The following LRRK2 variants were observed in gnomAD, a reference collection of about 807,000 sequenced individuals.
LRRK2 encodes the protein leucine rich repeat kinase 2.
Under a neutral mutation model 302.6 loss-of-function variants are expected in LRRK2, and 203 were observed. That is an observed-to-expected ratio of 0.67 (90% CI 0.60 to 0.75). The LOEUF (loss-of-function observed/expected upper bound fraction) is 0.75. LRRK2 is among the 30% of genes least tolerant of loss of function. The probability of loss-of-function intolerance (pLI) is 0.00; values close to 1 mark genes in which losing one functional copy is unlikely to be tolerated. For missense variants in LRRK2, 2,830 were observed against 2,951.0 expected, an observed-to-expected ratio of 0.96 and a Z score of 0.95; for synonymous variants, 1,066 against 1,031.9, an observed-to-expected ratio of 1.03 and a Z score of -0.63.
chr12:40,300,408 A>G (rs978624741), intron 25 of LRRK2, among the ~76,000 whole-genome samples: 1 of 152,224 alleles, frequency 6.6e-6, no homozygotes, highest in African/African-American at 2.4e-5. Context: ...ATCTTCCTTC[A>G]TAGAGAATAC....
At chr12:40,311,844 CATATT>C (rs1339226014) in intron 31 of LRRK2, among the ~76,000 whole-genome samples, 1 of 152,016 alleles carries the variant, frequency 6.6e-6, no homozygotes, top group East Asian at 1.9e-4. Flanking sequence ...GTAAAAATGA[CATATT>C]ATTTATTTGT....
chr12:40,227,063 C>T (rs538683367), intron 2 of LRRK2, among the ~76,000 whole-genome samples: 2 of 152,240 alleles, frequency 1.3e-5, no homozygotes, highest in Admixed American at 1.3e-4. Flanking sequence ...ATTGCCCAAG[C>T]CTGAGCATAC....
In LRRK2 at chr12:40,304,385, T is replaced by C. The variant is rs1944736561; in HGVS notation, c.3777+251T>C. On this transcript the variant is annotated intron_variant, in intron 27 of 50. Transcript: ENST00000298910. The stretch of plus-strand genomic sequence containing the variant: ...ATTTAAAAAAATCTACTTTTAAAAA[T>C]AAGGTAGTAGCCTTAATACTTCCAC... 4.6e-5 allele frequency: 26 copies of C among 567,078 alleles called. 1 individual carries two copies. In the Middle Eastern group the frequency reaches 2.3e-3, roughly 50 times the overall value. 35.1% of individuals were successfully genotyped at this position (567,078 alleles called of 1,614,324 possible). A position where few individuals can be genotyped will look rare whatever the true frequency, so the allele number is the denominator to read the frequency against.
Position 40,359,366 on chromosome 12 carries a change from G to A in LRRK2, c.6950G>A (p.Gly2317Glu). The A allele has an allele frequency of 1.2e-6, 2 of 1,613,348 alleles. No individual in the cohort carries two copies. The highest frequency in any genetic ancestry group is 1.7e-6 in the Non-Finnish European group (2 of 1,179,592). The change falls in exon 47 of 51, where the codon GGA becomes GAA. Residue 2317 changes from glycine (G) to glutamate (E), a missense_variant. By Grantham distance (98) the Gly-to-Glu change is moderately conservative. Around this residue, in one of 3 missense-constraint regions of LRRK2, gnomAD observed 456 missense variants for 456.3 expected, o/e 1.00. Transcript: ENST00000298910. ...TCAACGGAAAGAAATGTAATGTGGG[G>A]AGGATGTGGCACAAAGATTTTCTCC... The part of the protein sequence containing the change: ...TNSTERNVMW[G>E]GCGTKIFSFS...
intron 23 of LRRK2, among the ~76,000 whole-genome samples, chr12:40,296,551 G>A (rs1170900652): frequency 6.6e-6 from 1 of 151,886 alleles, no homozygotes; most frequent in East Asian, 1.9e-4. Flanking sequence ...AGGATTGCCT[G>A]ATCCTGGGAG....
intron 47 of LRRK2, 23 bp downstream of exon 47, chr12:40,359,467 A>C: frequency 6.3e-7 from 1 of 1,598,220 alleles, no homozygotes; most frequent in Non-Finnish European, 8.6e-7. Flanking sequence ...TTATCTGTAC[A>C]AGTAATTTAT....
At position 40,313,491 on chromosome 12, in the gene LRRK2, A is replaced by G. The variant is rs967534513; in HGVS notation, c.4537-481A>G. 3.3e-5 allele frequency among the ~76,000 whole-genome samples: 5 copies of G among 151,906 alleles called. No individual in the cohort carries two copies. The Admixed American group carries it at 3.3e-4, about 10-fold the overall frequency. On this transcript the variant is annotated intron_variant, in intron 31 of 50. Coordinates refer to ENST00000298910, the MANE Select transcript of LRRK2 (RefSeq NM_198578.4). ...TATGTCTCTGCGTTTCACTGTTGAT[A>G]TATATGTCCTCCCAATATAACATTT...
intron 25 of LRRK2, among the ~76,000 whole-genome samples, chr12:40,302,218 AT>A (rs1306524724): frequency 6.6e-6 from 1 of 152,040 alleles, no homozygotes; most frequent in Non-Finnish European, 1.5e-5. Context: ...AAATAAAAAA[AT>A]CATAAAATAT....
chr12:40,241,005 A>C (rs1941695105), intron 6 of LRRK2, among the ~76,000 whole-genome samples: 1 of 152,218 alleles, frequency 6.6e-6, no homozygotes, highest in African/African-American at 2.4e-5. Flanking sequence ...CTTCCTGTGC[A>C]TGAAGGTGTG....
chr12:40,298,851 AATACCT>A (rs1341101954), intron 24 of LRRK2, among the ~76,000 whole-genome samples: 2 of 124,852 alleles, frequency 1.6e-5, no homozygotes, highest in Non-Finnish European at 3.3e-5. Flanking sequence ...TATTATATAT[AATACCT>A]ATATATTATA....
rs1942347881 is a variant in LRRK2, at chr12:40,253,027, G to T, written c.1288+11G>T. 1.3e-6 allele frequency: 2 copies of T among 1,559,736 alleles called. No homozygotes were observed. Among genetic ancestry groups the T allele is most frequent in the African/African-American group, 1.4e-5 (1 of 73,880 alleles). ...TCTTAGAACAAAATGGTAAGCAGTG[G>T]GCCATGTTTTCAAATAAAGGGAAAC... On this transcript the variant is annotated intron_variant, in intron 11 of 50. Coordinates refer to ENST00000298910, the MANE Select transcript of LRRK2 (RefSeq NM_198578.4).
chr12:40,304,854 A>G (rs1489119391), intron 27 of LRRK2: 1 of 152,058 alleles, frequency 6.6e-6, no homozygotes, highest in African/African-American at 2.4e-5. Flanking sequence ...TACTTTTGTG[A>G]TATACTTTTA....
chr12:40,315,452 A>G, intron 33 of LRRK2, 152 bp downstream of exon 33: 1 of 695,618 alleles, frequency 1.4e-6, no homozygotes, highest in African/African-American at 1.8e-5. Flanking sequence ...ATAGAAGACT[A>G]CTTGAAGAGC....
intron 20 of LRRK2, among the ~76,000 whole-genome samples, chr12:40,290,123 GC>G (rs1206836959): frequency 1.3e-5 from 2 of 151,882 alleles, no homozygotes; most frequent in African/African-American, 2.4e-5. Flanking sequence ...TTTTTGGAGA[GC>G]CTTTTTTTAT....
chr12:40,251,313 T>C lies in LRRK2; in HGVS notation c.1040T>C (p.Leu347Ser). 6.2e-7 allele frequency: 1 copy of C among 1,613,752 alleles called. No homozygotes were observed. Among genetic ancestry groups the C allele is most frequent in the Non-Finnish European group, 8.5e-7 (1 of 1,179,788 alleles). The change falls in exon 9 of 51, where the codon TTG becomes TCG. Residue 347 changes from leucine to serine, a missense_variant. Transcript: ENST00000298910. ...GATGATGAGGGGGAAGAAGATAAAT[T>C]GTTTTGGCTGGAAGCCTGTTACAAA... is the stretch of plus-strand genomic sequence containing the variant. ...ENDDEGEEDK[L>S]FWLEACYKAL...
At chr12:40,232,213 A>T in intron 2 of LRRK2, 61 bp from the exon 3 acceptor site, 1 of 1,167,642 alleles carries the variant, frequency 8.6e-7, no homozygotes, top group Non-Finnish European at 1.3e-6. Flanking sequence ...TTCATGTTTG[A>T]CTGAGTATGC....
In LRRK2 at chr12:40,243,612, A is replaced by T. The variant is rs893848489; in HGVS notation, c.769A>T (p.Met257Leu). The T allele has an allele frequency of 6.2e-7, 1 of 1,612,268 alleles. No individual in the cohort carries two copies. The highest frequency in any genetic ancestry group is 1.7e-5 in the Admixed American group (1 of 59,918). ...VRCYNIVVEAMKAFPMSERIQ... is the reference protein window; with the variant it reads ...VRCYNIVVEALKAFPMSERIQ... Reference sequence around the variant, plus strand: ...GTGTTATAATATTGTGGTGGAAGCTATGAAAGCATTCCCTATGAGTGAAAG... The same window carrying T: ...GTGTTATAATATTGTGGTGGAAGCTTTGAAAGCATTCCCTATGAGTGAAAG... The change falls in exon 7 of 51, where the codon ATG becomes TTG. Residue 257 changes from methionine (M) to leucine (L), a missense_variant. This residue lies in a region of LRRK2 where 2,121 missense variants were observed against 2,148.0 expected (regional missense o/e 0.99). Transcript: ENST00000298910.
intron 7 of LRRK2, 70 bp from the exon 8 acceptor site, chr12:40,249,756 A>G: frequency 1.3e-6 from 2 of 1,507,406 alleles, no homozygotes; most frequent in Middle Eastern, 1.7e-4. Flanking sequence ...TGATGTAAAT[A>G]GTGTTATATG....
intron 35 of LRRK2, 95 bp from the exon 36 acceptor site, chr12:40,321,940 G>A: frequency 1.6e-6 from 2 of 1,227,460 alleles, no homozygotes; most frequent in African/African-American, 1.5e-5. Flanking sequence ...ATTTCAAAAT[G>A]AATAGATCTG....
Sources: allele counts gnomAD v4.1 joint callset (sites outside exome capture counted in the v4.1 genomes callset), GRCh38; gene constraint gnomAD v4.1.1; regional missense constraint gnomAD v4.1.1; transcripts MANE v1.5; gene names NCBI Gene and HGNC (gene_info 2026-07-23, HGNC 2026-07-21).